PDK1: variants seen among roughly 807,000 people sequenced by gnomAD.
PDK1 encodes [Pyruvate dehydrogenase (acetyl-transferring)] kinase isozyme 1, mitochondrial.
PDK1 carries 39 observed loss-of-function variants against 54.2 expected under a neutral mutation model. That is an observed-to-expected ratio of 0.72 (90% CI 0.56 to 0.94). The LOEUF (loss-of-function observed/expected upper bound fraction) is 0.94, where lower values mean the gene tolerates loss of function less well. Ranked by LOEUF, PDK1 falls within the 40% of genes least tolerant of loss-of-function variation. The probability of loss-of-function intolerance (pLI) is 0.00; values close to 1 mark genes in which losing one functional copy is unlikely to be tolerated. For missense variants in PDK1, 552 were observed against 566.0 expected (o/e 0.98, Z 0.25); for synonymous variants, 221 against 207.1 (o/e 1.07, Z -0.58).
chr2:172,566,768 T>C (rs1172471047), intron 5 of PDK1, 88 bp from the exon 6 acceptor site: 1 of 776,036 alleles, frequency 1.3e-6, no homozygotes, highest in African/African-American at 1.8e-5. Context: ...GTTCAAGACT[T>C]TGATTTGTCA....
At chr2:172,679,210 C>T in the PDK1 span, among the ~76,000 whole-genome samples, 1 of 152,088 alleles carries the variant, frequency 6.6e-6, no homozygotes, top group Non-Finnish European at 1.5e-5. Context: ...ACTTGGGAGC[C>T]TGAGATGGGA....
the PDK1 span, among the ~76,000 whole-genome samples, chr2:172,669,216 C>A: frequency 6.6e-6 from 1 of 151,276 alleles, no homozygotes; most frequent in Non-Finnish European, 1.5e-5. Flanking sequence ...TCTGCCACTA[C>A]GCCCGGCTAA....
chr2:172,630,203 A>T, the PDK1 span, among the ~76,000 whole-genome samples: 1 of 152,136 alleles, frequency 6.6e-6, no homozygotes. Context: ...GTGATTTTGG[A>T]TCTTTTCCTA....
chr2:172,653,940 A>C, the PDK1 span, among the ~76,000 whole-genome samples: 1 of 152,246 alleles, frequency 6.6e-6, no homozygotes, highest in Non-Finnish European at 1.5e-5. Context: ...AAAACAAACA[A>C]CCCCATCAAA....
chr2:172,622,606 T>C, the PDK1 span, among the ~76,000 whole-genome samples: 2 of 148,114 alleles, frequency 1.4e-5, no homozygotes, highest in African/African-American at 4.9e-5. Context: ...ATCTCATATA[T>C]TATGTGAGAT....
At position 172,597,110 on chromosome 2, in the gene PDK1, TC is replaced by T. The variant is rs1466597914; in HGVS notation, c.*1142del. Reference sequence around the variant, plus strand: ...ATTGCACGTGTCTTTTTTTCTTTTTTCTTTTTTTTTTTTCAAGACAGGGTCT... The same window carrying T: ...ATTGCACGTGTCTTTTTTTCTTTTTTTTTTTTTTTTTTCAAGACAGGGTCT... On this transcript the variant is annotated 3_prime_UTR_variant, in exon 11 of 11. Transcript: ENST00000282077. The T allele has an allele frequency of 2.0e-5, 3 of 151,810 alleles. No homozygotes were observed. Among genetic ancestry groups the T allele is most frequent in the Non-Finnish European group, 2.9e-5 (2 of 68,000 alleles). 9.4% of individuals were successfully genotyped at this position (151,810 alleles called of 1,614,324 possible).
chr2:172,590,804 TACAAACC>T (rs1690528170), intron 9 of PDK1, among the ~76,000 whole-genome samples: 1 of 150,048 alleles, frequency 6.7e-6, no homozygotes, highest in African/African-American at 2.5e-5. Context: ...TTGGTGTGTT[TACAAACC>T]TTTAGCTAGA....
intron 9 of PDK1, among the ~76,000 whole-genome samples, chr2:172,592,449 C>T (rs1266474939): frequency 1.3e-5 from 2 of 151,876 alleles, no homozygotes; most frequent in Non-Finnish European, 2.9e-5. Context: ...TTGTCTCTTT[C>T]TTTCTTTCTC....
chr2:172,707,582 C>T, the PDK1 span, among the ~76,000 whole-genome samples: 1 of 152,206 alleles, frequency 6.6e-6, no homozygotes, highest in African/African-American at 2.4e-5. Flanking sequence ...AACCCGGGAA[C>T]TCACAGCTGT....
chr2:172,616,245 CCCTAGACG>C, the PDK1 span, among the ~76,000 whole-genome samples: 1 of 152,164 alleles, frequency 6.6e-6, no homozygotes, highest in South Asian at 2.1e-4. Flanking sequence ...AAAACTCTAC[CCCTAGACG>C]TACATTCTAG....
At chr2:172,615,930 C>T in the PDK1 span, among the ~76,000 whole-genome samples, 2 of 152,162 alleles carry the variant, frequency 1.3e-5, no homozygotes, top group African/African-American at 2.4e-5. Flanking sequence ...TAGGGAGTGC[C>T]TACAACGGAA....
the PDK1 span, among the ~76,000 whole-genome samples, chr2:172,624,564 G>A: frequency 6.6e-6 from 1 of 152,142 alleles, no homozygotes; most frequent in Non-Finnish European, 1.5e-5. Flanking sequence ...CATGAAACCA[G>A]TCCCTGGTGC....
chr2:172,642,907 C>G, the PDK1 span, among the ~76,000 whole-genome samples: 1 of 152,030 alleles, frequency 6.6e-6, no homozygotes, highest in Non-Finnish European at 1.5e-5. Context: ...TTCTTTTTCT[C>G]CTCTTTCTCC....
upstream of PDK1, chr2:172,556,029 G>C (rs983655860): frequency 2.9e-6 from 2 of 680,826 alleles, no homozygotes; most frequent in Admixed American, 8.8e-5. Flanking sequence ...CTAGGAGGGT[G>C]GGGGCCGCGC....
the PDK1 span, among the ~76,000 whole-genome samples, chr2:172,676,674 A>C: frequency 1.3e-5 from 2 of 152,366 alleles, no homozygotes; most frequent in South Asian, 2.1e-4. Context: ...AACACTGTAG[A>C]AATGATAAAA....
chr2:172,631,998 G>A, the PDK1 span, among the ~76,000 whole-genome samples: 4 of 151,904 alleles, frequency 2.6e-5, no homozygotes, highest in Admixed American at 6.6e-5. Context: ...CCTTGAGGCC[G>A]GACGTGGTGG....
At chr2:172,666,758 T>C in the PDK1 span, among the ~76,000 whole-genome samples, 1 of 152,096 alleles carries the variant, frequency 6.6e-6, no homozygotes, top group African/African-American at 2.4e-5. Flanking sequence ...AAGGGGGTTA[T>C]TTACTGAAAC....
chr2:172,559,313 T>C (rs1688532485), intron 2 of PDK1, among the ~76,000 whole-genome samples: 1 of 152,204 alleles, frequency 6.6e-6, no homozygotes, highest in South Asian at 2.1e-4. Context: ...GTATTTGGGC[T>C]TGTGCCCTGA....
chr2:172,630,161 A>G, the PDK1 span, among the ~76,000 whole-genome samples: 1 of 152,140 alleles, frequency 6.6e-6, no homozygotes, highest in South Asian at 2.1e-4. Context: ...ATACTATCTT[A>G]TGGTTTTAAT....
Sources: allele counts gnomAD v4.1 joint callset (sites outside exome capture counted in the v4.1 genomes callset), GRCh38; gene constraint gnomAD v4.1.1; transcripts MANE v1.5; gene names NCBI Gene and HGNC (gene_info 2026-07-23, HGNC 2026-07-21).